LBX1: variants seen among roughly 807,000 people sequenced by gnomAD.
LBX1 encodes transcription factor LBX1.
LBX1 carries 6 observed loss-of-function variants against 19.9 expected under a neutral mutation model. The observed-to-expected ratio is 0.30, with a 90% CI of 0.17 to 0.60. The LOEUF is 0.60. Ranked by LOEUF, LBX1 falls within the 20% of genes least tolerant of loss-of-function variation. The pLI is 0.87. For synonymous variants in LBX1, 190 were observed against 189.3 expected, an observed-to-expected ratio of 1.00 and a Z score of -0.03; for missense variants, 344 against 393.7, an observed-to-expected ratio of 0.87 and a Z score of 1.07.
rs1941060646 is a variant in LBX1 at position 101,227,548 on chromosome 10, C to T, written c.568G>A (p.Asp190Asn). Residue 190 changes from aspartate (D) to asparagine (N), a missense_variant, in exon 2 of 2, where the codon GAC becomes AAC. Physicochemically the swap from Asp to Asn is conservative, Grantham distance 23. Transcript: ENST00000370193. ...CCCAGTTTCTTGGCGGACTCTACGTCGGCCTTCATCTCCTCCAGGTCCCGC... is the reference window on the plus strand; with the variant it reads ...CCCAGTTTCTTGGCGGACTCTACGTTGGCCTTCATCTCCTCCAGGTCCCGC... ...LKRDLEEMKA[D>N]VESAKKLGPS... is the part of the protein sequence containing the mutation. 1 of 1,614,108 alleles carries T rather than the reference C, an allele frequency of 6.2e-7. No individual in the cohort carries two copies. The highest frequency in any genetic ancestry group is 8.5e-7 in the Non-Finnish European group (1 of 1,179,994).
Position 101,227,175 on chromosome 10 carries a change from A to G in LBX1, c.*95T>C. The G allele has an allele frequency of 8.1e-7, 1 of 1,241,672 alleles. No individual in the cohort carries two copies. Among genetic ancestry groups the G allele is most frequent in the Non-Finnish European group, 1.1e-6 (1 of 906,154 alleles). 76.9% of individuals were successfully genotyped at this position (1,241,672 alleles called of 1,614,324 possible). On this transcript the variant is annotated 3_prime_UTR_variant, in exon 2 of 2. Coordinates refer to ENST00000370193, the MANE Select transcript of LBX1 (RefSeq NM_006562.5). ...GACAGGGGAGGAGGCGGGAGTTGGC[A>G]GAGGAGGTCCCAGCTCCCCTCGGCG...
rs1272848816 is a variant in LBX1, at chr10:101,228,477, G to C, written c.325+14C>G. 6.5e-7 allele frequency: 1 copy of C among 1,541,588 alleles called. No individual in the cohort carries two copies. The highest frequency in any genetic ancestry group is 8.8e-7 in the Non-Finnish European group (1 of 1,142,124). Reference sequence around the variant, plus strand: ...GAGGCGCTGGGTGCAGGGGAACCCAGCAGCTGCGCCTACCTTCGGCTGCCT... The same window carrying C: ...GAGGCGCTGGGTGCAGGGGAACCCACCAGCTGCGCCTACCTTCGGCTGCCT... On this transcript the variant is annotated intron_variant, in intron 1 of 1. Coordinates refer to ENST00000370193, the MANE Select transcript of LBX1 (RefSeq NM_006562.5).
At position 101,227,634 on chromosome 10, in the gene LBX1, T is replaced by G. The variant is rs1217966141; in HGVS notation, c.482A>C (p.Gln161Pro). Residue 161 changes from glutamine to proline, a missense_variant, in exon 2 of 2, where the codon CAG (glutamine) becomes CCG (proline). Transcript: ENST00000370193. ...GACTTGCGCGTTGGTGAGGCCCAGCTGCTGCGCGATTTGGTCGCGATCGGC... is the reference window on the plus strand; with the variant it reads ...GACTTGCGCGTTGGTGAGGCCCAGCGGCTGCGCGATTTGGTCGCGATCGGC... The part of the protein sequence containing the change: ...SPADRDQIAQ[Q>P]LGLTNAQVIT... 1 of 1,614,114 alleles carries G rather than the reference T, an allele frequency of 6.2e-7. No individual in the cohort carries two copies. Among genetic ancestry groups the G allele is most frequent in the Non-Finnish European group, 8.5e-7 (1 of 1,180,040 alleles).
Position 101,227,150 on chromosome 10 carries a change from G to C in LBX1, c.*120C>G. The C allele has an allele frequency of 1.0e-6, 1 of 978,330 alleles. No homozygotes were observed. The highest frequency in any genetic ancestry group is 1.7e-5 in the South Asian group (1 of 59,924). 60.6% of individuals were successfully genotyped at this position (978,330 alleles called of 1,614,324 possible). On this transcript the variant is annotated 3_prime_UTR_variant, in exon 2 of 2. Coordinates refer to ENST00000370193, the MANE Select transcript of LBX1 (RefSeq NM_006562.5). ...GCCAGGAGCCGAGTCCGGGGCCGGG[G>C]ACAGGGGAGGAGGCGGGAGTTGGCA...
chr10:101,227,490 G>C lies in LBX1; in HGVS notation c.626C>G (p.Ala209Gly), dbSNP rs12777140. ...PSGQMDIVAL[A>G]ELEQNSEATA... ...GGCCTCCGAGTTCTGCTCGAGTTCG[G>C]CCAGCGCCACGATGTCCATCTGCCC... is the stretch of plus-strand genomic sequence containing the variant. The change falls in exon 2 of 2, where the codon GCC becomes GGC. Residue 209 changes from alanine (A) to glycine (G), a missense_variant. Coordinates refer to ENST00000370193, the MANE Select transcript of LBX1 (RefSeq NM_006562.5). The C allele has an allele frequency of 6.2e-7, 1 of 1,610,180 alleles. No individual in the cohort carries two copies. The highest frequency in any genetic ancestry group is 1.1e-5 in the South Asian group (1 of 91,028).
Position 101,227,530 on chromosome 10 carries a change from T to C in LBX1, c.586A>G (p.Lys196Glu). The C allele has an allele frequency of 6.2e-7, 1 of 1,613,824 alleles. No individual in the cohort carries two copies. Among genetic ancestry groups the C allele is most frequent in the Non-Finnish European group, 8.5e-7 (1 of 1,179,830 alleles). ...TCCATCTGCCCGCTGGGGCCCAGTTTCTTGGCGGACTCTACGTCGGCCTTC... is the reference window on the plus strand; with the variant it reads ...TCCATCTGCCCGCTGGGGCCCAGTTCCTTGGCGGACTCTACGTCGGCCTTC... The part of the protein sequence containing the change: ...EMKADVESAK[K>E]LGPSGQMDIV... Residue 196 changes from lysine (K) to glutamate (E), a missense_variant, in exon 2 of 2, where the codon AAA (lysine) becomes GAA (glutamate). Physicochemically the swap from Lys to Glu is moderately conservative, Grantham distance 56. Transcript: ENST00000370193.
rs114546820 is a variant in LBX1, at chr10:101,227,863, C to T, written c.326-73G>A. 288 of 1,419,722 alleles carry T rather than the reference C, an allele frequency of 2.0e-4. 1 individual carries two copies. The African/African-American group carries it at 3.4e-3, about 17-fold the overall frequency. The allele number at this position is 1,419,722 out of a possible 1,614,324, so 87.9% of individuals were successfully genotyped here. On this transcript the variant is annotated intron_variant, in intron 1 of 1. Coordinates refer to ENST00000370193, the MANE Select transcript of LBX1 (RefSeq NM_006562.5). ...ACCCTGGCTCTCGCCCCCGTAACTC[C>T]GTAACCCACCCAGGCCTGTCCGGCC... is the stretch of plus-strand genomic sequence containing the variant.
chr10:101,227,510 C>T lies in LBX1; in HGVS notation c.606G>A (p.Gln202=). 1 of 1,613,008 alleles carries T rather than the reference C, an allele frequency of 6.2e-7. No individual in the cohort carries two copies. The highest frequency in any genetic ancestry group is 8.5e-7 in the Non-Finnish European group (1 of 1,179,398). The part of the protein sequence containing the change: ...ESAKKLGPSG[Q]MDIVALAELE... ...GTTCGGCCAGCGCCACGATGTCCAT[C>T]TGCCCGCTGGGGCCCAGTTTCTTGG... The change falls in exon 2 of 2, where the codon CAG becomes CAA. Residue 202 remains glutamine, a synonymous_variant. Transcript: ENST00000370193.
rs1941075667 is a variant in LBX1, at chr10:101,228,646, G to T, written c.170C>A (p.Ala57Glu). 1 of 1,591,410 alleles carries T rather than the reference G, an allele frequency of 6.3e-7. No homozygotes were observed. The highest frequency in any genetic ancestry group is 8.5e-7 in the Non-Finnish European group (1 of 1,170,416). Residue 57 changes from alanine to glutamate, a missense_variant, in exon 1 of 2, where the codon GCG becomes GAG. Physicochemically the swap from Ala to Glu is moderately radical, Grantham distance 107 (BLOSUM62 -1). Around this residue, in one of 3 missense-constraint regions of LBX1, gnomAD observed 153 missense variants for 168.9 expected, o/e 0.91. Transcript: ENST00000370193. ...CTTGTCCGCGGCGGCCAGCAGGTGC[G>T]CCGCCCCGCACAGCGAGTAACTTCT... ...VRRSYSLCGA[A>E]HLLAAADKHA...
In LBX1 at chr10:101,227,005, A is replaced by G. The variant is rs1941050392; in HGVS notation, c.*265T>C. On this transcript the variant is annotated 3_prime_UTR_variant, in exon 2 of 2. Transcript: ENST00000370193. The stretch of plus-strand genomic sequence containing the variant: ...AAGAACCCGCTATATAGGTTTAAAT[A>G]TTTATATAGAAGCCATACAGAATTG... 5 of 326,804 alleles carry G rather than the reference A, an allele frequency of 1.5e-5. No individual in the cohort carries two copies. Among genetic ancestry groups the G allele is most frequent in the Admixed American group, 9.3e-5 (2 of 21,478 alleles). 20.2% of individuals were successfully genotyped at this position (326,804 alleles called of 1,614,324 possible).
Position 101,227,156 on chromosome 10 carries a change from G to T in LBX1, c.*114C>A. The T allele has an allele frequency of 9.8e-7, 1 of 1,022,938 alleles. No individual in the cohort carries two copies. The highest frequency in any genetic ancestry group is 1.4e-6 in the Non-Finnish European group (1 of 714,938). 63.4% of individuals were successfully genotyped at this position (1,022,938 alleles called of 1,614,324 possible). A position where few individuals can be genotyped will look rare whatever the true frequency, so the allele number is the denominator to read the frequency against. ...AGCCGAGTCCGGGGCCGGGGACAGGGGAGGAGGCGGGAGTTGGCAGAGGAG... is the reference window on the plus strand; with the variant it reads ...AGCCGAGTCCGGGGCCGGGGACAGGTGAGGAGGCGGGAGTTGGCAGAGGAG... On this transcript the variant is annotated 3_prime_UTR_variant, in exon 2 of 2. Transcript: ENST00000370193.
chr10:101,229,452 T>A lies in LBX1; in HGVS notation c.-637A>T, dbSNP rs1355456750. ...CCCTCGCCCTCTCTTTCACTCTCTGTCTGTCCAATGCAGGCGGCTGTAAGT... is the reference window on the plus strand; with the variant it reads ...CCCTCGCCCTCTCTTTCACTCTCTGACTGTCCAATGCAGGCGGCTGTAAGT... On this transcript the variant is annotated 5_prime_UTR_variant, in exon 1 of 2. Transcript: ENST00000370193. The surrounding 1 kb of genome is among the most constrained non-coding windows in gnomAD (Gnocchi z 6.4). The A allele has an allele frequency of 7.4e-6, 2 of 271,326 alleles. No individual in the cohort carries two copies. The highest frequency in any genetic ancestry group is 1.4e-5 in the Non-Finnish European group (2 of 140,456). 16.8% of individuals were successfully genotyped at this position (271,326 alleles called of 1,614,324 possible). A position where few individuals can be genotyped will look rare whatever the true frequency, so the allele number is the denominator to read the frequency against.
chr10:101,228,448 G>A, intron 1 of LBX1, 43 bp downstream of exon 1: 1 of 1,474,706 alleles, frequency 6.8e-7, no homozygotes, highest in South Asian at 1.3e-5. Context: ...AGGGCACAGG[G>A]CGCGAGGCGC....
At position 101,228,950 on chromosome 10, in the gene LBX1, G is replaced by T. The variant is rs943968834; in HGVS notation, c.-135C>A. On this transcript the variant is annotated 5_prime_UTR_variant, in exon 1 of 2. Coordinates refer to ENST00000370193, the MANE Select transcript of LBX1 (RefSeq NM_006562.5). ...GCCGCACTGGGCAGGGCGCGGGCCG[G>T]GCGCGGGGCCGATTAGCGCGGCGGC... 94 of 374,164 alleles carry T rather than the reference G, an allele frequency of 2.5e-4. No homozygotes were observed. The highest frequency in any genetic ancestry group is 2.5e-4 in the Non-Finnish European group (63 of 249,732). 23.2% of individuals were successfully genotyped at this position (374,164 alleles called of 1,614,324 possible). A position where few individuals can be genotyped will look rare whatever the true frequency, so the allele number is the denominator to read the frequency against.
chr10:101,227,309 C>A lies in LBX1; in HGVS notation c.807G>T (p.Ser269=), dbSNP rs1201271279. The part of the protein sequence containing the change: ...TDQPASSQDC[S]EDEEDEEIDV... ...CGATCTCTTCGTCTTCCTCGTCCTC[C>A]GAGCAGTCCTGGCTGCTGGCCGGCT... The change falls in exon 2 of 2, where the codon TCG becomes TCT. Residue 269 remains serine, a synonymous_variant. Transcript: ENST00000370193. The A allele has an allele frequency of 6.2e-7, 1 of 1,607,944 alleles. No homozygotes were observed. The highest frequency in any genetic ancestry group is 2.3e-5 in the East Asian group (1 of 44,216).
chr10:101,228,595 G>A lies in LBX1; in HGVS notation c.221C>T (p.Ala74Val). 6.4e-7 allele frequency: 1 copy of A among 1,558,442 alleles called. No individual in the cohort carries two copies. The highest frequency in any genetic ancestry group is 8.7e-7 in the Non-Finnish European group (1 of 1,151,238). Residue 74 changes from alanine (A) to valine (V), a missense_variant, in exon 1 of 2, where the codon GCG becomes GTG. This residue lies in a region of LBX1 where 153 missense variants were observed against 168.9 expected (regional missense o/e 0.91). Coordinates refer to ENST00000370193, the MANE Select transcript of LBX1 (RefSeq NM_006562.5). ...GGTCTGCGAGAGCAGCGCGCGGCCC[G>A]CCAGGGGCAAGCCGCCCTGCGCGTG... ...DKHAQGGLPLAGRALLSQTSP... is the reference protein window; with the variant it reads ...DKHAQGGLPLVGRALLSQTSP...
At position 101,227,585 on chromosome 10, in the gene LBX1, G is replaced by A; in HGVS notation, c.531C>T (p.Arg177=). 1 of 1,614,214 alleles carries A rather than the reference G, an allele frequency of 6.2e-7. No homozygotes were observed. The highest frequency in any genetic ancestry group is 1.1e-5 in the South Asian group (1 of 91,090). ...CCTCCAGGTCCCGCTTGAGCTTAGCGCGCCGATTCTGGAACCAGGTGATGA... is the reference window on the plus strand; with the variant it reads ...CCTCCAGGTCCCGCTTGAGCTTAGCACGCCGATTCTGGAACCAGGTGATGA... The part of the protein sequence containing the change: ...AQVITWFQNR[R]AKLKRDLEEM... Residue 177 remains arginine, a synonymous_variant, in exon 2 of 2, where the codon CGC becomes CGT. Coordinates refer to ENST00000370193, the MANE Select transcript of LBX1 (RefSeq NM_006562.5).
rs1355715794 is a variant in LBX1, at chr10:101,227,371, C to T, written c.745G>A (p.Ala249Thr). 4 of 1,606,800 alleles carry T rather than the reference C, an allele frequency of 2.5e-6. No homozygotes were observed. Among genetic ancestry groups the T allele is most frequent in the South Asian group, 2.2e-5 (2 of 90,850 alleles). The change falls in exon 2 of 2, where the codon GCC becomes ACC. Residue 249 changes from alanine to threonine, a missense_variant. This residue lies in a region of LBX1 where 146 missense variants were observed against 124.2 expected (regional missense o/e 1.18). Transcript: ENST00000370193. ...GGAGAGGCAGGCGAGAGCTGCAGGG[C>T]GCCAGCGCCCGGGGCCTTCGGGGCG... is the stretch of plus-strand genomic sequence containing the variant. ...PGAPKAPGAG[A>T]LQLSPASPLT... is the part of the protein sequence containing the mutation.
At position 101,227,708 on chromosome 10, in the gene LBX1, C is replaced by G. The variant is rs762168496; in HGVS notation, c.408G>C (p.Gln136His). The G allele has an allele frequency of 6.2e-7, 1 of 1,613,554 alleles. No individual in the cohort carries two copies. Among genetic ancestry groups the G allele is most frequent in the South Asian group, 1.1e-5 (1 of 91,066 alleles). Reference sequence around the variant, plus strand: ...GAAAGCGCTTTTCCAATTCATAGATCTGGTGGTTGGTGAAGGCCGTGCGCG... The same window carrying G: ...GAAAGCGCTTTTCCAATTCATAGATGTGGTGGTTGGTGAAGGCCGTGCGCG... ...RKSRTAFTNHQIYELEKRFLY... is the reference protein window; with the variant it reads ...RKSRTAFTNHHIYELEKRFLY... Residue 136 changes from glutamine to histidine, a missense_variant, in exon 2 of 2, where the codon CAG becomes CAC. Physicochemically the swap from Gln to His is conservative, Grantham distance 24. Coordinates refer to ENST00000370193, the MANE Select transcript of LBX1 (RefSeq NM_006562.5).
Sources: allele counts gnomAD v4.1 joint callset, GRCh38; gene constraint gnomAD v4.1.1; regional missense constraint gnomAD v4.1.1; non-coding constraint Gnocchi (gnomAD v3.1); transcripts MANE v1.5; gene names NCBI Gene and HGNC (gene_info 2026-07-23, HGNC 2026-07-21).